CNTN4: variants seen among roughly 807,000 people sequenced by gnomAD.
CNTN4 encodes contactin 4, also known as contactin-4.
Under a neutral mutation model 122.5 loss-of-function variants are expected in CNTN4, and 77 were observed. The ratio of observed to expected loss-of-function variants is 0.63; its 90% confidence interval spans 0.52 to 0.76. CNTN4 has a LOEUF of 0.76. Among genes scored for constraint, CNTN4 ranks in the 30% least tolerant of loss-of-function variants. CNTN4 has a pLI of 0.00. For synonymous variants in CNTN4, 512 were observed against 447.0 expected, an observed-to-expected ratio of 1.15 and a Z score of -1.83; for missense variants, 1,256 against 1,259.1, an observed-to-expected ratio of 1.00 and a Z score of 0.04.
chr3:2,528,133 A>T (rs1234399433), intron 3 of CNTN4, among the ~76,000 whole-genome samples: 3 of 152,114 alleles, frequency 2.0e-5, no homozygotes, highest in Admixed American at 2.0e-4. Context: ...TTGTCGCTGA[A>T]TTGGTTGCAT....
chr3:2,428,375 G>C (rs547512712), intron 3 of CNTN4, among the ~76,000 whole-genome samples: 1 of 152,062 alleles, frequency 6.6e-6, no homozygotes, highest in Non-Finnish European at 1.5e-5. Flanking sequence ...AAAATTCTTT[G>C]CTTTAAGAAT....
intron 23 of CNTN4, among the ~76,000 whole-genome samples, chr3:3,046,481 C>T (rs1250490131): frequency 3.3e-5 from 5 of 152,152 alleles, no homozygotes; most frequent in African/African-American, 1.2e-4. Context: ...ATTCAACATT[C>T]TTAAAGAAAA....
chr3:2,218,538 A>G (rs1015447728), intron 2 of CNTN4, among the ~76,000 whole-genome samples: 8 of 152,202 alleles, frequency 5.3e-5, no homozygotes, highest in Non-Finnish European at 8.8e-5. Flanking sequence ...CCATATATTA[A>G]AAAATAAAAA....
rs144726340 is a variant in CNTN4, at chr3:2,190,864, T to TAC, written c.-145+90238_-145+90239dup. ...CACACACACATAAATATATATCTCG[T>TAC]ACACACACACACACCACTACCTTAG... On this transcript the variant is annotated intron_variant, in intron 2 of 24. Coordinates refer to ENST00000418658, the MANE Select transcript of CNTN4 (RefSeq NM_175607.3). Among the ~76,000 whole-genome samples the TAC allele has an allele frequency of 1.2e-3, 177 of 149,842 alleles. 1 individual carries two copies. The highest frequency in any genetic ancestry group is 3.9e-3 in the African/African-American group (161 of 40,766).
intron 3 of CNTN4, among the ~76,000 whole-genome samples, chr3:2,516,884 C>G (rs1388921243): frequency 2.6e-5 from 4 of 151,644 alleles, no homozygotes; most frequent in Non-Finnish European, 4.4e-5. Context: ...GAAGGAAACC[C>G]TATATCAGTG....
At chr3:2,467,579 C>T (rs1023843546) in intron 3 of CNTN4, among the ~76,000 whole-genome samples, 3 of 151,896 alleles carry the variant, frequency 2.0e-5, no homozygotes, top group African/African-American at 4.8e-5. Context: ...CCCTCAAATG[C>T]GAATAGTAAT....
intron 3 of CNTN4, among the ~76,000 whole-genome samples, chr3:2,568,338 AAAC>A (rs1559246973): frequency 1.3e-5 from 2 of 151,124 alleles, no homozygotes; most frequent in African/African-American, 2.4e-5. Context: ...AAAAAAAAAA[AAAC>A]CACCCTGTAC....
intron 3 of CNTN4, among the ~76,000 whole-genome samples, chr3:2,562,794 G>A (rs2079012540): frequency 6.6e-6 from 1 of 151,832 alleles, no homozygotes; most frequent in Non-Finnish European, 1.5e-5. Context: ...CACGATCTTG[G>A]CTCACTGCAG....
At chr3:2,244,208 G>A (rs2149632970) in intron 2 of CNTN4, among the ~76,000 whole-genome samples, 1 of 137,906 alleles carries the variant, frequency 7.3e-6, no homozygotes, top group East Asian at 2.4e-4. Flanking sequence ...ACATCATACT[G>A]TAATAAAAAA....
intron 4 of CNTN4, among the ~76,000 whole-genome samples, chr3:2,684,856 G>C (rs190005393): frequency 4.2e-4 from 64 of 152,190 alleles, no homozygotes; most frequent in African/African-American, 1.4e-3. Context: ...AAAAGGAATC[G>C]GGAGTGCTCA....
intron 7 of CNTN4, among the ~76,000 whole-genome samples, chr3:2,835,049 C>T (rs538085375): frequency 2.6e-5 from 4 of 151,640 alleles, no homozygotes; most frequent in Non-Finnish European, 2.9e-5. Flanking sequence ...GGACTACAGG[C>T]GCCCGCCACC....
chr3:2,471,427 C>T (rs1427644591), intron 3 of CNTN4, among the ~76,000 whole-genome samples: 1 of 152,190 alleles, frequency 6.6e-6, no homozygotes, highest in Non-Finnish European at 1.5e-5. Context: ...CTGCTTCTTG[C>T]CTTTTATTTT....
At chr3:2,851,796 T>A (rs2093554837) in intron 7 of CNTN4, among the ~76,000 whole-genome samples, 1 of 152,170 alleles carries the variant, frequency 6.6e-6, no homozygotes, top group South Asian at 2.1e-4. Flanking sequence ...GATCATCAGG[T>A]AAAAATCCAG....
chr3:2,507,775 C>CT (rs768677789), intron 3 of CNTN4, among the ~76,000 whole-genome samples: 17,609 of 141,134 alleles, frequency 0.12, 1,250 homozygotes, highest in Middle Eastern at 0.18. Flanking sequence ...AGAAAATTGG[C>CT]TTTTTTTTTT....
At chr3:2,174,777 C>G (rs890108988) in intron 2 of CNTN4, among the ~76,000 whole-genome samples, 1 of 152,190 alleles carries the variant, frequency 6.6e-6, no homozygotes, top group Admixed American at 6.5e-5. Context: ...TGCTCAGCTT[C>G]TGGAGAGGCC....
At chr3:2,220,201 T>C (rs1315686075) in intron 2 of CNTN4, among the ~76,000 whole-genome samples, 1 of 152,162 alleles carries the variant, frequency 6.6e-6, no homozygotes, top group African/African-American at 2.4e-5. Flanking sequence ...GTCCATTTTC[T>C]GGATTTCCCC....
intron 4 of CNTN4, among the ~76,000 whole-genome samples, chr3:2,612,418 A>G (rs145873592): frequency 6.6e-6 from 1 of 152,216 alleles, no homozygotes; most frequent in Non-Finnish European, 1.5e-5. Context: ...TTGTATGGGT[A>G]TTTGAAGTAC....
chr3:2,641,065 C>A (rs1320469097), intron 4 of CNTN4, among the ~76,000 whole-genome samples: 1 of 152,136 alleles, frequency 6.6e-6, no homozygotes, highest in African/African-American at 2.4e-5. Context: ...TCTGCCAGAT[C>A]ACCCATTAAA....
chr3:2,926,028 G>T (rs1213114070), intron 13 of CNTN4, among the ~76,000 whole-genome samples: 1 of 152,230 alleles, frequency 6.6e-6, no homozygotes, highest in East Asian at 1.9e-4. Flanking sequence ...TGCCAGAGCT[G>T]CCTGAAGATG....
Sources: gnomAD v4.1 joint callset for allele counts (sites outside exome capture counted in the v4.1 genomes callset) on GRCh38, gnomAD v4.1.1 for gene constraint, MANE v1.5 for transcripts, NCBI Gene and HGNC (gene_info 2026-07-23, HGNC 2026-07-21) for gene names.